Variants in SLC44A1 observed in about 807,000 individuals in gnomAD.
SLC44A1 encodes solute carrier family 44 member 1, also known as choline transporter-like protein 1.
Under a neutral mutation model 79.3 loss-of-function variants are expected in SLC44A1, and 26 were observed. That is an observed-to-expected ratio of 0.33 (90% confidence interval 0.24 to 0.46). The LOEUF is 0.46. Among genes scored for constraint, SLC44A1 ranks in the 20% least tolerant of loss-of-function variants. SLC44A1 has a pLI of 1.00. For synonymous variants in SLC44A1, 263 were observed against 286.2 expected, an observed-to-expected ratio of 0.92 and a Z score of 0.82; for missense variants, 688 against 798.1, an observed-to-expected ratio of 0.86 and a Z score of 1.66.
chr9:105,393,280 A>G lies in SLC44A1; in HGVS notation c.*4224A>G, dbSNP rs949524088. On this transcript the variant is annotated 3_prime_UTR_variant, in exon 16 of 16. Transcript: ENST00000374720. The stretch of plus-strand genomic sequence containing the variant: ...TGAAAAGTAGGCACTATTCATACAC[A>G]GTAGCTTCTTGGAATTAACTCATCT... 6.1e-6 allele frequency: 6 copies of G among 985,378 alleles called. No homozygotes were observed. The highest frequency in any genetic ancestry group is 7.2e-6 in the Non-Finnish European group (6 of 829,946). 61.0% of individuals were successfully genotyped at this position (985,378 alleles called of 1,614,324 possible).
chr9:105,262,076 G>T (rs1369852339), intron 1 of SLC44A1, among the ~76,000 whole-genome samples: 1 of 152,058 alleles, frequency 6.6e-6, no homozygotes, highest in African/African-American at 2.4e-5. Context: ...GAGCCACCAC[G>T]CCTGGCCCTG....
intron 14 of SLC44A1, among the ~76,000 whole-genome samples, chr9:105,385,113 T>C (rs560926029): frequency 1.2e-4 from 19 of 152,338 alleles, no homozygotes; most frequent in African/African-American, 4.1e-4. Context: ...ATTCTGAGTA[T>C]GAGAAAATAG....
chr9:105,374,139 A>C (rs1053124955), intron 12 of SLC44A1, among the ~76,000 whole-genome samples: 8 of 152,228 alleles, frequency 5.3e-5, no homozygotes, highest in Non-Finnish European at 1.2e-4. Context: ...AGGATAGAAG[A>C]AAGCCACCAA....
intron 1 of SLC44A1, among the ~76,000 whole-genome samples, chr9:105,291,859 A>G (rs1171443101): frequency 1.3e-5 from 2 of 152,222 alleles, no homozygotes; most frequent in South Asian, 2.1e-4. Context: ...GAACACAAGT[A>G]TATGTTGATA....
intron 1 of SLC44A1, among the ~76,000 whole-genome samples, chr9:105,257,357 A>G (rs1424235834): frequency 3.9e-5 from 6 of 152,214 alleles, no homozygotes; most frequent in African/African-American, 1.2e-4. Flanking sequence ...TGGCCTCCCA[A>G]AGTGCCGAGA....
rs1828531276 is a variant in SLC44A1 at position 105,383,272 on chromosome 9, G to A, written c.1782G>A (p.Val594=). ...TCCTGTCTATTTATGAAATGGTAGT[G>A]GATGTATTATTCTTGTGTTTTGCCA... ...HCFLSIYEMV[V]DVLFLCFAID... is the part of the protein sequence containing the mutation. The change falls in exon 14 of 16, where the codon GTG becomes GTA. Residue 594 remains valine, a synonymous_variant. Coordinates refer to ENST00000374720, the MANE Select transcript of SLC44A1 (RefSeq NM_080546.5). The A allele has an allele frequency of 6.2e-7, 1 of 1,613,708 alleles. No homozygotes were observed. Among genetic ancestry groups the A allele is most frequent in the South Asian group, 1.1e-5 (1 of 91,070 alleles).
At chr9:105,293,356 G>A (rs1438080832) in intron 1 of SLC44A1, among the ~76,000 whole-genome samples, 1 of 152,172 alleles carries the variant, frequency 6.6e-6, no homozygotes, top group Non-Finnish European at 1.5e-5. Context: ...AGTCATACAG[G>A]CAGTAAGCAC....
chr9:105,335,233 AT>A (rs1177966592), intron 3 of SLC44A1, among the ~76,000 whole-genome samples: 3 of 151,830 alleles, frequency 2.0e-5, no homozygotes, highest in South Asian at 2.1e-4. Context: ...TATTCCAATA[AT>A]TTTTTTTGGT....
chr9:105,425,317 G>A (rs1166228436), intron 15 of SLC44A1, among the ~76,000 whole-genome samples: 2 of 152,138 alleles, frequency 1.3e-5, no homozygotes, highest in African/African-American at 2.4e-5. Context: ...AGTTTGAAGG[G>A]GGAAACAGGT....
In SLC44A1 at chr9:105,391,161, G is replaced by A; in HGVS notation, c.*2105G>A. The stretch of plus-strand genomic sequence containing the variant: ...AGGTGTCCCTCCAAAGTGACCTGAT[G>A]GAAGTCCTGAACTTGGAAATTAGGT... On this transcript the variant is annotated 3_prime_UTR_variant, in exon 16 of 16. Transcript: ENST00000374720. The A allele has an allele frequency of 3.0e-6, 3 of 985,724 alleles. No individual in the cohort carries two copies. The highest frequency in any genetic ancestry group is 3.6e-6 in the Non-Finnish European group (3 of 829,920). 61.1% of individuals were successfully genotyped at this position (985,724 alleles called of 1,614,324 possible).
chr9:105,377,187 T>G (rs1025204685), intron 13 of SLC44A1, among the ~76,000 whole-genome samples: 2 of 152,204 alleles, frequency 1.3e-5, no homozygotes, highest in African/African-American at 4.8e-5. Flanking sequence ...CAATAGACTG[T>G]TATTCACCTA....
At chr9:105,423,376 G>A (rs1829279786) in intron 15 of SLC44A1, among the ~76,000 whole-genome samples, 1 of 152,180 alleles carries the variant, frequency 6.6e-6, no homozygotes, top group Non-Finnish European at 1.5e-5. Flanking sequence ...GAGGCAGGGA[G>A]AATCACTTAA....
chr9:105,413,300 A>G (rs760079194), intron 15 of SLC44A1, among the ~76,000 whole-genome samples: 2 of 152,152 alleles, frequency 1.3e-5, no homozygotes, highest in Non-Finnish European at 2.9e-5. Context: ...TCACCTTTCC[A>G]TACTTCCCTG....
At chr9:105,413,837 G>T (rs1829130193) in intron 15 of SLC44A1, among the ~76,000 whole-genome samples, 1 of 152,170 alleles carries the variant, frequency 6.6e-6, no homozygotes, top group South Asian at 2.1e-4. Flanking sequence ...GAGAAGACGT[G>T]ATCCCCCTGA....
At position 105,348,379 on chromosome 9, in the gene SLC44A1, A is replaced by G. The variant is rs746264700; in HGVS notation, c.428A>G (p.Asn143Ser). ...EINGSALCSY[N>S]LKPSEYTTSP... ...ACAGGTTCAGCCCTATGTAGCTACAACCTAAAGCCTTCTGAATACACTACA... is the reference window on the plus strand; with the variant it reads ...ACAGGTTCAGCCCTATGTAGCTACAGCCTAAAGCCTTCTGAATACACTACA... Residue 143 changes from asparagine (N) to serine (S), a missense_variant, in exon 5 of 16, where the codon AAC becomes AGC. By Grantham distance (46) the Asn-to-Ser change is conservative (BLOSUM62 1). Coordinates refer to ENST00000374720, the MANE Select transcript of SLC44A1 (RefSeq NM_080546.5). 9 of 1,609,990 alleles carry G rather than the reference A, an allele frequency of 5.6e-6. No homozygotes were observed. The highest frequency in any genetic ancestry group is 1.1e-5 in the South Asian group (1 of 90,948).
chr9:105,357,428 A>G (rs951533225), intron 6 of SLC44A1, among the ~76,000 whole-genome samples: 14 of 152,204 alleles, frequency 9.2e-5, no homozygotes, highest in Admixed American at 7.9e-4. Context: ...TAGTGCCAAT[A>G]ATGCTAAGCC....
chr9:105,423,414 C>T (rs1011399085), intron 15 of SLC44A1, among the ~76,000 whole-genome samples: 2 of 152,060 alleles, frequency 1.3e-5, no homozygotes, highest in South Asian at 2.1e-4. Context: ...TGCAGTGAGC[C>T]GAGATTGCCC....
chr9:105,301,389 A>G (rs182125118), intron 2 of SLC44A1, among the ~76,000 whole-genome samples: 207 of 152,348 alleles, frequency 1.4e-3, no homozygotes, highest in African/African-American at 4.9e-3. Context: ...ATGTTGGCAT[A>G]GCATTATTTG....
chr9:105,395,073 G>A lies in SLC44A1; in HGVS notation c.*6017G>A. ...GTTCTTGTGAAATTTGATCCCAGTG[G>A]CTCATGACTTATAGTCAGGCATCAA... On this transcript the variant is annotated 3_prime_UTR_variant, in exon 16 of 16. Coordinates refer to ENST00000374720, the MANE Select transcript of SLC44A1 (RefSeq NM_080546.5). The A allele has an allele frequency of 1.0e-6, 1 of 985,400 alleles. No homozygotes were observed. The highest frequency in any genetic ancestry group is 1.7e-5 in the African/African-American group (1 of 57,342). The allele number at this position is 985,400 out of a possible 1,614,324, so 61.0% of individuals were successfully genotyped here.
Sources: gnomAD v4.1 joint callset for allele counts (sites outside exome capture counted in the v4.1 genomes callset) on GRCh38, gnomAD v4.1.1 for gene constraint, MANE v1.5 for transcripts, NCBI Gene and HGNC (gene_info 2026-07-23, HGNC 2026-07-21) for gene names.